The following TCTN3 variants were observed in gnomAD, a reference collection of about 807,000 sequenced individuals.
The protein encoded by TCTN3 is tectonic family member 3, also known as tectonic-3.
TCTN3 carries 57 observed loss-of-function variants against 71.3 expected under a neutral mutation model. The observed-to-expected ratio is 0.80, with a 90% CI of 0.65 to 1.00. TCTN3 has a LOEUF of 1.00. Among genes scored for constraint, TCTN3 ranks in the 50% least tolerant of loss-of-function variants. The probability of loss-of-function intolerance (pLI) is 0.00; values close to 1 mark genes in which losing one functional copy is unlikely to be tolerated. For missense variants in TCTN3, 696 were observed against 719.9 expected (o/e 0.97, Z 0.38); for synonymous variants, 258 against 267.8 (o/e 0.96, Z 0.36).
intron 13 of TCTN3, among the ~76,000 whole-genome samples, chr10:95,677,483 G>C (rs55811652): frequency 3.2e-5 from 2 of 61,984 alleles, no homozygotes; most frequent in African/African-American, 5.4e-5. Context: ...AGTTTTTTTT[G>C]TTTTTTTTTT....
chr10:95,691,684 T>TCACAC lies in TCTN3; in HGVS notation c.499+1235_499+1236insGTGTG, dbSNP rs1395154715. Among the ~76,000 whole-genome samples the TCACAC allele has an allele frequency of 2.0e-5, 3 of 152,320 alleles. No individual in the cohort carries two copies. In the East Asian group the frequency reaches 5.8e-4, roughly 29 times the overall value. ...TTAAATCCATTTTGTGCAGGAACAT[T>TCACAC]ATTTTGCTTCATAGACATTTTAAAA... On this transcript the variant is annotated intron_variant, in intron 3 of 13. Coordinates refer to ENST00000371217, the MANE Select transcript of TCTN3 (RefSeq NM_015631.6).
rs1029904655 is a variant in TCTN3, at chr10:95,686,475, C to G, written c.888+20G>C. ...AGCCAAATATTCTTTTTCTTTTTTCCTGGTACAACAGCATCATACCTCCAT... is the reference window on the plus strand; with the variant it reads ...AGCCAAATATTCTTTTTCTTTTTTCGTGGTACAACAGCATCATACCTCCAT... On this transcript the variant is annotated intron_variant, in intron 7 of 13. Coordinates refer to ENST00000371217, the MANE Select transcript of TCTN3 (RefSeq NM_015631.6). 7 of 1,612,300 alleles carry G rather than the reference C, an allele frequency of 4.3e-6. No individual in the cohort carries two copies. The highest frequency in any genetic ancestry group is 5.9e-6 in the Non-Finnish European group (7 of 1,179,434).
chr10:95,663,967 G>A lies in TCTN3; in HGVS notation c.*100C>T. Reference sequence around the variant, plus strand: ...AGTTAGGTCCTCTATTATCCTAAATGCTCTCTGGTCATGAGCAGGTGAGGT... The same window carrying A: ...AGTTAGGTCCTCTATTATCCTAAATACTCTCTGGTCATGAGCAGGTGAGGT... On this transcript the variant is annotated 3_prime_UTR_variant, in exon 14 of 14. Transcript: ENST00000371217. The A allele has an allele frequency of 2.2e-6, 2 of 903,666 alleles. No individual in the cohort carries two copies. Among genetic ancestry groups the A allele is most frequent in the East Asian group, 4.8e-5 (2 of 41,522 alleles). 56.0% of individuals were successfully genotyped at this position (903,666 alleles called of 1,614,324 possible).
intron 13 of TCTN3, among the ~76,000 whole-genome samples, chr10:95,678,744 A>G (rs2097939925): frequency 1.3e-5 from 2 of 152,158 alleles, no homozygotes; most frequent in African/African-American, 4.8e-5. Context: ...ATAAACTTTT[A>G]TGATATAAGT....
intron 13 of TCTN3, among the ~76,000 whole-genome samples, chr10:95,673,282 GTTTC>G (rs2097933576): frequency 6.6e-6 from 1 of 151,916 alleles, no homozygotes; most frequent in South Asian, 2.1e-4. Flanking sequence ...AGTCTCTTAT[GTTTC>G]TTTTAGAAGC....
At chr10:95,670,061 C>CAAAAAAAAAAAAAA (rs34609339) in intron 13 of TCTN3, among the ~76,000 whole-genome samples, 1 of 81,078 alleles carries the variant, frequency 1.2e-5, no homozygotes, top group Non-Finnish European at 2.3e-5. Context: ...GACTCCGTCT[C>CAAAAAAAAAAAAAA]AAAAAAAAAA....
At chr10:95,683,729 C>T in intron 9 of TCTN3, 100 bp from the exon 10 acceptor site, 1 of 965,050 alleles carries the variant, frequency 1.0e-6, no homozygotes. Flanking sequence ...CAAGGAAATG[C>T]AATAAGTGAG....
intron 13 of TCTN3, among the ~76,000 whole-genome samples, chr10:95,669,224 C>T (rs1203019214): frequency 6.6e-6 from 1 of 152,116 alleles, no homozygotes; most frequent in Admixed American, 6.6e-5. Context: ...AAGTGTTCAA[C>T]AGCATAGTAG....
At chr10:95,689,473 G>A (rs1341943642) in intron 3 of TCTN3, among the ~76,000 whole-genome samples, 2 of 152,176 alleles carry the variant, frequency 1.3e-5, no homozygotes, top group Admixed American at 6.5e-5. Context: ...ACCACATGGA[G>A]GAGATATTTA....
rs2097923790 is a variant in TCTN3 at position 95,663,996 on chromosome 10, A to G, written c.*71T>C. ...TCTGGTCATGAGCAGGTGAGGTTCT[A>G]TTTAGCCAAGATAAGTGGCTGCCTC... On this transcript the variant is annotated 3_prime_UTR_variant, in exon 14 of 14. Transcript: ENST00000371217. 2.1e-5 allele frequency: 28 copies of G among 1,334,642 alleles called. 1 individual carries two copies. The South Asian group carries it at 3.3e-4, about 16-fold the overall frequency. 82.7% of individuals were successfully genotyped at this position (1,334,642 alleles called of 1,614,324 possible). A position where few individuals can be genotyped will look rare whatever the true frequency, so the allele number is the denominator to read the frequency against.
chr10:95,664,308 A>G lies in TCTN3; in HGVS notation c.1591-8T>C, dbSNP rs773664217. 2 of 1,613,100 alleles carry G rather than the reference A, an allele frequency of 1.2e-6. No homozygotes were observed. The highest frequency in any genetic ancestry group is 4.5e-5 in the East Asian group (2 of 44,874). Reference sequence around the variant, plus strand: ...TGTAACTTGCTGAGAATCCTACGGGAAGAAAGTCAATGACAGGTCAGCGCT... The same window carrying G: ...TGTAACTTGCTGAGAATCCTACGGGGAGAAAGTCAATGACAGGTCAGCGCT... On this transcript the variant is annotated splice_polypyrimidine_tract_variant and splice_region_variant and intron_variant, in intron 13 of 13. Coordinates refer to ENST00000371217, the MANE Select transcript of TCTN3 (RefSeq NM_015631.6).
In TCTN3 at chr10:95,680,543, C is replaced by G. The variant is rs2097941960; in HGVS notation, c.1519G>C (p.Val507Leu). The change falls in exon 13 of 14, where the codon GTA (valine) becomes CTA (leucine). Residue 507 changes from valine (V) to leucine (L), a missense_variant. Physicochemically the swap from Val to Leu is conservative, Grantham distance 32 (BLOSUM62 1). Coordinates refer to ENST00000371217, the MANE Select transcript of TCTN3 (RefSeq NM_015631.6). ...GCTTGCGGGTTGGACAGGAGACCTA[C>G]ATATGCCCACAATACCTGGATCTCC... ...SLEIQVLWAY[V>L]GLLSNPQAHV... The G allele has an allele frequency of 6.2e-7, 1 of 1,614,048 alleles. No homozygotes were observed. Among genetic ancestry groups the G allele is most frequent in the Non-Finnish European group, 8.5e-7 (1 of 1,180,040 alleles).
At position 95,683,527 on chromosome 10, in the gene TCTN3, A is replaced by T; in HGVS notation, c.1198T>A (p.Tyr400Asn). 2 of 1,614,216 alleles carry T rather than the reference A, an allele frequency of 1.2e-6. No homozygotes were observed. The change falls in exon 10 of 14, where the codon TAC becomes AAC. Residue 400 changes from tyrosine (Y) to asparagine (N), a missense_variant. Coordinates refer to ENST00000371217, the MANE Select transcript of TCTN3 (RefSeq NM_015631.6). ...PLLALTDDISYSMTLLQSQGN... is the reference protein window; with the variant it reads ...PLLALTDDISNSMTLLQSQGN... ...CCCAGCTCTAAAAAGGATACTGAGT[A>T]ACTTATATCATCAGTCAGAGCCAAG... is the stretch of plus-strand genomic sequence containing the variant.
At chr10:95,693,202 C>T in intron 2 of TCTN3, 151 bp downstream of exon 2, 1 of 1,353,316 alleles carries the variant, frequency 7.4e-7, no homozygotes. Flanking sequence ...TCTAGAGAAT[C>T]AGAAAAGGCA....
intron 12 of TCTN3, among the ~76,000 whole-genome samples, chr10:95,681,026 T>A (rs919310751): frequency 6.6e-6 from 1 of 151,928 alleles, no homozygotes; most frequent in Non-Finnish European, 1.5e-5. Flanking sequence ...TTTGCCTGCC[T>A]TGGCCTCCCA....
intron 13 of TCTN3, among the ~76,000 whole-genome samples, chr10:95,677,233 A>T (rs2097937965): frequency 6.6e-6 from 1 of 152,156 alleles, no homozygotes; most frequent in South Asian, 2.1e-4. Flanking sequence ...TGTAGACATG[A>T]CATATGATGT....
intron 1 of TCTN3, 69 bp downstream of exon 1, chr10:95,693,575 A>C (rs2097955738): frequency 8.4e-6 from 13 of 1,546,542 alleles, no homozygotes; most frequent in African/African-American, 5.5e-5. Flanking sequence ...GCTTTGTGGC[A>C]GCTCAACTTT....
chr10:95,685,968 T>C (rs1347456473), intron 7 of TCTN3, among the ~76,000 whole-genome samples: 1 of 152,254 alleles, frequency 6.6e-6, no homozygotes. Context: ...GGCTCACGCC[T>C]ATAATCCCAA....
intron 3 of TCTN3, among the ~76,000 whole-genome samples, chr10:95,688,172 T>C (rs552067635): frequency 1.3e-5 from 2 of 152,066 alleles, no homozygotes; most frequent in Non-Finnish European, 2.9e-5. Context: ...GTGGATCACC[T>C]GAGGTCAGGA....
Sources: gnomAD v4.1 joint callset for allele counts (sites outside exome capture counted in the v4.1 genomes callset) on GRCh38, gnomAD v4.1.1 for gene constraint, MANE v1.5 for transcripts, NCBI Gene and HGNC (gene_info 2026-07-23, HGNC 2026-07-21) for gene names.